Variants in GAREM1 observed in about 807,000 individuals in gnomAD.
The protein encoded by GAREM1 is GRB2-associated and regulator of MAPK protein 1.
GAREM1 carries 26 observed loss-of-function variants against 71.3 expected under a neutral mutation model. That is an observed-to-expected ratio of 0.36 (90% CI 0.27 to 0.51). The LOEUF (loss-of-function observed/expected upper bound fraction) is 0.51, where lower values mean the gene tolerates loss of function less well. Among genes scored for constraint, GAREM1 ranks in the 20% least tolerant of loss-of-function variants. The pLI is 0.95. For missense variants in GAREM1, 1,026 were observed against 1,103.1 expected, an observed-to-expected ratio of 0.93 and a Z score of 0.99; for synonymous variants, 440 against 433.2, an observed-to-expected ratio of 1.02 and a Z score of -0.20.
At position 32,267,639 on chromosome 18, in the gene GAREM1, T is replaced by C. The variant is rs548540563; in HGVS notation, c.*232A>G. ...TTTTTTTCTTTTAGCAGCTGCTGAG[T>C]GTTTGTTGAGTGACGTACAAGGCAC... On this transcript the variant is annotated 3_prime_UTR_variant, in exon 6 of 6. Transcript: ENST00000269209. 4.2e-4 allele frequency: 175 copies of C among 419,594 alleles called. No homozygotes were observed. In the East Asian group the frequency reaches 6.2e-3, roughly 15 times the overall value. The allele number at this position is 419,594 out of a possible 1,614,324, so 26.0% of individuals were successfully genotyped here.
chr18:32,452,787 T>G (rs2048851862), intron 1 of GAREM1, among the ~76,000 whole-genome samples: 1 of 151,904 alleles, frequency 6.6e-6, no homozygotes, highest in African/African-American at 2.4e-5. Context: ...AGCCTACTGA[T>G]GAATGTTAGG....
intron 3 of GAREM1, among the ~76,000 whole-genome samples, chr18:32,301,183 A>T (rs2047197917): frequency 6.6e-6 from 1 of 152,188 alleles, no homozygotes; most frequent in Admixed American, 6.5e-5. Context: ...TCAGCAATGC[A>T]TTTTAGTCAT....
chr18:32,440,430 G>C (rs1017517319), intron 1 of GAREM1, among the ~76,000 whole-genome samples: 1 of 152,106 alleles, frequency 6.6e-6, no homozygotes, highest in Non-Finnish European at 1.5e-5. Flanking sequence ...ATTGTAATTA[G>C]TATACTGTCT....
rs1377791939 is a variant in GAREM1 at position 32,268,206 on chromosome 18, G to GC, written c.2295_2296insG (p.Gln766AlafsTer5). The GC allele has an allele frequency of 6.2e-7, 1 of 1,613,910 alleles. No homozygotes were observed. The highest frequency in any genetic ancestry group is 8.5e-7 in the Non-Finnish European group (1 of 1,180,000). The stretch of plus-strand genomic sequence containing the variant: ...TGCATGCCCTTTTTAACAAAATACT[G>GC]GTCCTCCGAGAGATCTGGTGACCCA... On this transcript the variant is annotated frameshift_variant, in exon 6 of 6. Transcript: ENST00000269209. LOFTEE classifies it high-confidence loss of function.
At position 32,310,182 on chromosome 18, in the gene GAREM1, A is replaced by C. The variant is rs754633970; in HGVS notation, c.393+11T>G. 1 of 1,613,480 alleles carries C rather than the reference A, an allele frequency of 6.2e-7. No individual in the cohort carries two copies. Among genetic ancestry groups the C allele is most frequent in the Non-Finnish European group, 8.5e-7 (1 of 1,179,772 alleles). ...GTGAGTATAAATATTTGGTGCTTCA[A>C]GAGCTACTACCTTCACGTTGAATGT... On this transcript the variant is annotated intron_variant, in intron 3 of 5. Transcript: ENST00000269209.
Position 32,267,685 on chromosome 18 carries a change from G to A in GAREM1, c.*186C>T. 1.7e-6 allele frequency: 1 copy of A among 579,008 alleles called. No individual in the cohort carries two copies. The highest frequency in any genetic ancestry group is 2.8e-5 in the East Asian group (1 of 35,470). 35.9% of individuals were successfully genotyped at this position (579,008 alleles called of 1,614,324 possible). A position where few individuals can be genotyped will look rare whatever the true frequency, so the allele number is the denominator to read the frequency against. The stretch of plus-strand genomic sequence containing the variant: ...GGCACACCTCCAAGTGTTCTGTACA[G>A]CATTTTTATTGATGTACAAAATAGC... On this transcript the variant is annotated 3_prime_UTR_variant, in exon 6 of 6. Coordinates refer to ENST00000269209, the MANE Select transcript of GAREM1 (RefSeq NM_001242409.2).
intron 1 of GAREM1, among the ~76,000 whole-genome samples, chr18:32,397,550 CAAAG>C (rs1177207199): frequency 3.9e-5 from 6 of 152,060 alleles, no homozygotes; most frequent in African/African-American, 2.4e-5. Flanking sequence ...TCAAAAGAGA[CAAAG>C]AAGGCCATTA....
At chr18:32,469,770 A>G (rs2049031711) in intron 1 of GAREM1, among the ~76,000 whole-genome samples, 1 of 152,156 alleles carries the variant, frequency 6.6e-6, no homozygotes. Context: ...CACAGCCCCA[A>G]ATTACTTTCA....
intron 2 of GAREM1, among the ~76,000 whole-genome samples, chr18:32,388,207 T>C (rs1319427670): frequency 2.6e-5 from 4 of 152,102 alleles, no homozygotes; most frequent in Non-Finnish European, 5.9e-5. Flanking sequence ...CTGAATGGCA[T>C]AAGAATCCAC....
intron 1 of GAREM1, among the ~76,000 whole-genome samples, chr18:32,434,775 A>G (rs1440911692): frequency 6.6e-6 from 1 of 152,194 alleles, no homozygotes; most frequent in African/African-American, 2.4e-5. Flanking sequence ...CGCTACAGTT[A>G]AGATCCAACG....
chr18:32,334,583 C>A (rs527817997), intron 2 of GAREM1, among the ~76,000 whole-genome samples: 1 of 152,126 alleles, frequency 6.6e-6, no homozygotes. Context: ...CACATGGAAG[C>A]GGAGGAACAG....
At chr18:32,430,274 A>C (rs144778554) in intron 1 of GAREM1, among the ~76,000 whole-genome samples, 2 of 152,332 alleles carry the variant, frequency 1.3e-5, no homozygotes, top group East Asian at 3.9e-4. Context: ...ATTACAAATG[A>C]ATGGCATATA....
At chr18:32,404,066 A>AT (rs1286438349) in intron 1 of GAREM1, among the ~76,000 whole-genome samples, 4 of 151,804 alleles carry the variant, frequency 2.6e-5, no homozygotes, top group Admixed American at 6.6e-5. Flanking sequence ...ATTGAATCTT[A>AT]TTTTTTTTAT....
At chr18:32,343,043 T>C (rs2047661891) in intron 2 of GAREM1, among the ~76,000 whole-genome samples, 1 of 152,378 alleles carries the variant, frequency 6.6e-6, no homozygotes, top group South Asian at 2.1e-4. Context: ...TCTCTGATAT[T>C]CATCCCAAAT....
chr18:32,392,507 T>C (rs1458370047), intron 2 of GAREM1, among the ~76,000 whole-genome samples: 2 of 152,226 alleles, frequency 1.3e-5, no homozygotes, highest in Non-Finnish European at 2.9e-5. Context: ...AATGTTAATT[T>C]GTGAGACGGA....
chr18:32,287,831 G>A lies in GAREM1; in HGVS notation c.766C>T (p.Pro256Ser), dbSNP rs757104286. The change falls in exon 4 of 6, where the codon CCG becomes TCG. Residue 256 changes from proline (P) to serine (S), a missense_variant. By Grantham distance (74) the Pro-to-Ser change is moderately conservative (BLOSUM62 -1). Around this residue, in one of 3 missense-constraint regions of GAREM1, gnomAD observed 218 missense variants for 296.8 expected, o/e 0.73. Transcript: ENST00000269209. This position sits in a 1 kb window ranked among gnomAD's most constrained non-coding sequence, Gnocchi z 5.9. ...PVNVTVPSPP[P>S]RNPYDLHFIR... ...AAGTGGAGGTCGTATGGGTTTCTCG[G>A]TGGAGGGCTTGGCACAGTCACATTC... The A allele has an allele frequency of 1.2e-6, 2 of 1,613,920 alleles. No homozygotes were observed. Among genetic ancestry groups the A allele is most frequent in the Non-Finnish European group, 8.5e-7 (1 of 1,179,976 alleles).
intron 2 of GAREM1, among the ~76,000 whole-genome samples, chr18:32,311,233 G>A (rs1326366781): frequency 1.3e-5 from 2 of 152,142 alleles, no homozygotes; most frequent in African/African-American, 4.8e-5. Flanking sequence ...GTGTTTCTTA[G>A]TAGTTATTTT....
At chr18:32,422,481 G>T (rs2048528823) in intron 1 of GAREM1, among the ~76,000 whole-genome samples, 1 of 152,120 alleles carries the variant, frequency 6.6e-6, no homozygotes, top group African/African-American at 2.4e-5. Context: ...GAGAGCTCAA[G>T]GTCTTAGCAA....
intron 1 of GAREM1, among the ~76,000 whole-genome samples, chr18:32,394,068 A>C (rs1051032096): frequency 6.6e-6 from 1 of 152,192 alleles, no homozygotes; most frequent in Non-Finnish European, 1.5e-5. Flanking sequence ...TGGCTATCCC[A>C]ACCTAAAATG....
Sources: allele counts gnomAD v4.1 joint callset (sites outside exome capture counted in the v4.1 genomes callset), GRCh38; gene constraint gnomAD v4.1.1; regional missense constraint gnomAD v4.1.1; non-coding constraint Gnocchi (gnomAD v3.1); transcripts MANE v1.5; gene names NCBI Gene and HGNC (gene_info 2026-07-23, HGNC 2026-07-21).